The following SLC35D4 variants were observed in gnomAD, a reference collection of about 807,000 sequenced individuals.
The protein encoded by SLC35D4 is solute carrier family 35 member D4.
the SLC35D4 span, among the ~76,000 whole-genome samples, chr18:23,323,528 C>A: frequency 6.6e-6 from 1 of 152,118 alleles, no homozygotes; most frequent in South Asian, 2.1e-4. Context: ...AGTCTGGTCA[C>A]ACTCAGTTTT....
chr18:23,300,913 T>G, the SLC35D4 span, among the ~76,000 whole-genome samples: 14 of 152,228 alleles, frequency 9.2e-5, no homozygotes, highest in Non-Finnish European at 1.8e-4. Flanking sequence ...CCATCTAAAT[T>G]TTACATTTAT....
chr18:23,384,129 T>C, the SLC35D4 span, among the ~76,000 whole-genome samples: 7 of 150,114 alleles, frequency 4.7e-5, no homozygotes, highest in East Asian at 1.2e-3. Flanking sequence ...TCTCTATAAA[T>C]AAAAATTAAA....
chr18:23,339,143 G>A, the SLC35D4 span, among the ~76,000 whole-genome samples: 2 of 152,066 alleles, frequency 1.3e-5, no homozygotes, highest in Non-Finnish European at 2.9e-5. Flanking sequence ...CTCCTGCCTT[G>A]GCCTCCCAAA....
chr18:23,255,456 A>T, the SLC35D4 span, among the ~76,000 whole-genome samples: 2 of 152,186 alleles, frequency 1.3e-5, no homozygotes, highest in Non-Finnish European at 2.9e-5. Context: ...GTACAAAATC[A>T]TCTAGCTTAT....
the SLC35D4 span, among the ~76,000 whole-genome samples, chr18:23,361,512 A>T: frequency 6.6e-6 from 1 of 152,192 alleles, no homozygotes; most frequent in African/African-American, 2.4e-5. Flanking sequence ...ACGGCCCAGC[A>T]AAACCCTTCT....
chr18:23,424,323 C>T, the SLC35D4 span, among the ~76,000 whole-genome samples: 2 of 152,292 alleles, frequency 1.3e-5, no homozygotes, highest in East Asian at 1.9e-4. Flanking sequence ...AAAAAGCAAG[C>T]TCCATGAGGG....
At chr18:23,396,846 C>T in the SLC35D4 span, among the ~76,000 whole-genome samples, 1 of 151,948 alleles carries the variant, frequency 6.6e-6, no homozygotes, top group Admixed American at 6.6e-5. Context: ...GCATCGCTTC[C>T]TCCTTCAAAA....
At chr18:23,293,463 C>G in the SLC35D4 span, among the ~76,000 whole-genome samples, 2 of 152,228 alleles carry the variant, frequency 1.3e-5, no homozygotes, top group African/African-American at 4.8e-5. Flanking sequence ...ATTTTACATT[C>G]TTTTTAAAAA....
the SLC35D4 span, among the ~76,000 whole-genome samples, chr18:23,430,910 C>T: frequency 6.6e-6 from 1 of 152,120 alleles, no homozygotes; most frequent in African/African-American, 2.4e-5. Flanking sequence ...AATCCCAGCA[C>T]TTTGGGAGGG....
chr18:23,380,429 A>G, the SLC35D4 span, among the ~76,000 whole-genome samples: 1 of 152,126 alleles, frequency 6.6e-6, no homozygotes, highest in Non-Finnish European at 1.5e-5. Context: ...TCAAACTGGA[A>G]AGTCCCTTCC....
chr18:23,300,173 C>T, the SLC35D4 span, among the ~76,000 whole-genome samples: 7 of 152,312 alleles, frequency 4.6e-5, no homozygotes, highest in African/African-American at 1.4e-4. Context: ...TTGGAAAAGA[C>T]ATGACTGTGA....
At chr18:23,428,768 TA>T in the SLC35D4 span, among the ~76,000 whole-genome samples, 3 of 152,128 alleles carry the variant, frequency 2.0e-5, no homozygotes, top group Non-Finnish European at 4.4e-5. Context: ...TTTGGGCCTC[TA>T]TTGATCCTGT....
the SLC35D4 span, among the ~76,000 whole-genome samples, chr18:23,274,931 TTGTG>T: frequency 1.6e-4 from 24 of 151,944 alleles, no homozygotes; most frequent in South Asian, 8.3e-4. Flanking sequence ...GAGTGTGTGC[TTGTG>T]TGTGTTTGTG....
At chr18:23,242,933 C>T in the SLC35D4 span, among the ~76,000 whole-genome samples, 16 of 151,864 alleles carry the variant, frequency 1.1e-4, no homozygotes, top group African/African-American at 3.9e-4. Flanking sequence ...GTAATTGACT[C>T]AATGAAAGAA....
At chr18:23,358,485 C>A in the SLC35D4 span, among the ~76,000 whole-genome samples, 3 of 152,110 alleles carry the variant, frequency 2.0e-5, no homozygotes, top group East Asian at 1.9e-4. Context: ...AAATCATAAC[C>A]CCCACCCAAA....
chr18:23,359,045 A>C, the SLC35D4 span, among the ~76,000 whole-genome samples: 1 of 152,222 alleles, frequency 6.6e-6, no homozygotes, highest in East Asian at 1.9e-4. Context: ...CTCCTGCACC[A>C]TCTAGTGCTG....
chr18:23,303,917 A>G, the SLC35D4 span, among the ~76,000 whole-genome samples: 1 of 150,548 alleles, frequency 6.6e-6, no homozygotes, highest in South Asian at 2.1e-4. Flanking sequence ...AAAAAAAAAA[A>G]AAAAGAATTT....
the SLC35D4 span, among the ~76,000 whole-genome samples, chr18:23,342,953 T>C: frequency 6.6e-6 from 1 of 152,112 alleles, no homozygotes; most frequent in African/African-American, 2.4e-5. Flanking sequence ...AATGGAGTCT[T>C]GATCTGTCAC....
At chr18:23,337,006 T>C in the SLC35D4 span, among the ~76,000 whole-genome samples, 1 of 149,438 alleles carries the variant, frequency 6.7e-6, no homozygotes, top group Non-Finnish European at 1.5e-5. Flanking sequence ...CCCTGTAGTG[T>C]GTGTGTGTGT....
Sources: allele counts gnomAD v4.1 joint callset (sites outside exome capture counted in the v4.1 genomes callset), GRCh38; gene constraint gnomAD v4.1.1; transcripts MANE v1.5; gene names NCBI Gene and HGNC (gene_info 2026-07-23, HGNC 2026-07-21).